The following L3MBTL3 variants were observed in gnomAD, a reference collection of about 807,000 sequenced individuals.
The protein encoded by L3MBTL3 is lethal(3)malignant brain tumor-like protein 3.
Under a neutral mutation model 102.3 loss-of-function variants are expected in L3MBTL3, and 27 were observed. That is an observed-to-expected ratio of 0.26 (90% CI 0.19 to 0.36). L3MBTL3 has a LOEUF of 0.36. Among genes scored for constraint, L3MBTL3 ranks in the 10% least tolerant of loss-of-function variants. L3MBTL3 has a pLI of 1.00. For synonymous variants in L3MBTL3, 340 were observed against 320.9 expected, an observed-to-expected ratio of 1.06 and a Z score of -0.64; for missense variants, 798 against 955.3, an observed-to-expected ratio of 0.84 and a Z score of 2.17.
At chr6:130,129,927 G>A (rs932237147) in intron 20 of L3MBTL3, among the ~76,000 whole-genome samples, 1 of 152,142 alleles carries the variant, frequency 6.6e-6, no homozygotes. Context: ...TGCAATTCAA[G>A]GAATGCAGTA....
rs369670987 is a variant in L3MBTL3 at position 130,104,486 on chromosome 6, C to T, written c.1797C>T (p.Arg599=). ...ATAAAGACCGTATTTTTCCAGACCG[C>T]TTAAGTGGTGAGATGCCTCCGGCTA... ...NLNKDRIFPD[R]LSGEMPPASP... The change falls in exon 19 of 23, where the codon CGC becomes CGT. Residue 599 remains arginine, a synonymous_variant. Coordinates refer to ENST00000361794, the MANE Select transcript of L3MBTL3 (RefSeq NM_032438.4). 1.4e-5 allele frequency: 23 copies of T among 1,600,616 alleles called. No homozygotes were observed. The highest frequency in any genetic ancestry group is 1.9e-5 in the Non-Finnish European group (22 of 1,173,854).
chr6:130,140,843 T>C lies in L3MBTL3; in HGVS notation c.*1090T>C, dbSNP rs951278008. 1 of 152,576 alleles carries C rather than the reference T, an allele frequency of 6.6e-6. No homozygotes were observed. The highest frequency in any genetic ancestry group is 1.5e-5 in the Non-Finnish European group (1 of 68,050). 9.5% of individuals were successfully genotyped at this position (152,576 alleles called of 1,614,324 possible). On this transcript the variant is annotated 3_prime_UTR_variant, in exon 23 of 23. Transcript: ENST00000361794. ...ACAAGGTGTGAAGGAGCAACTTCAG[T>C]TGACACAAAATTTGAAATGCTCACA...
At chr6:130,059,912 T>G in intron 9 of L3MBTL3, 124 bp from the exon 10 acceptor site, 1 of 579,070 alleles carries the variant, frequency 1.7e-6, no homozygotes, top group Non-Finnish European at 3.0e-6. Context: ...GATTTCTTTT[T>G]CTTTGGATTT....
chr6:130,084,970 T>C (rs886416408), intron 15 of L3MBTL3, among the ~76,000 whole-genome samples: 1 of 152,084 alleles, frequency 6.6e-6, no homozygotes, highest in African/African-American at 2.4e-5. Context: ...GTTGGGACTA[T>C]AGGCACATGC....
At chr6:130,108,597 T>C (rs903644679) in intron 19 of L3MBTL3, among the ~76,000 whole-genome samples, 2 of 152,178 alleles carry the variant, frequency 1.3e-5, no homozygotes, top group Admixed American at 6.5e-5. Context: ...TATATGTCTT[T>C]TATTCCTTAG....
At chr6:130,052,713 C>A in intron 6 of L3MBTL3, 146 bp from the exon 7 acceptor site, 1 of 917,236 alleles carries the variant, frequency 1.1e-6, no homozygotes, top group Non-Finnish European at 1.6e-6. Flanking sequence ...ATATGATATT[C>A]TCATGCCTAC....
chr6:130,049,938 AC>A, intron 5 of L3MBTL3, 108 bp downstream of exon 5: 1 of 1,364,172 alleles, frequency 7.3e-7, no homozygotes, highest in Non-Finnish European at 9.8e-7. Flanking sequence ...TGACAATAGC[AC>A]CATCCACCCA....
chr6:130,036,481 A>G (rs747737053), intron 2 of L3MBTL3, among the ~76,000 whole-genome samples: 2 of 152,230 alleles, frequency 1.3e-5, no homozygotes, highest in African/African-American at 2.4e-5. Flanking sequence ...GGCAGAGTAC[A>G]CTGTGTATCA....
intron 16 of L3MBTL3, among the ~76,000 whole-genome samples, chr6:130,086,891 T>G (rs1783722610): frequency 6.6e-6 from 1 of 152,212 alleles, no homozygotes; most frequent in Admixed American, 6.5e-5. Flanking sequence ...TAAAATTGTT[T>G]GGAATTTCTA....
At chr6:130,085,296 T>A (rs557875723) in intron 15 of L3MBTL3, among the ~76,000 whole-genome samples, 1 of 152,170 alleles carries the variant, frequency 6.6e-6, no homozygotes, top group Non-Finnish European at 1.5e-5. Context: ...TAGCTGTTGA[T>A]TCCCCCAACC....
At chr6:130,062,666 A>G (rs1042199298) in intron 10 of L3MBTL3, among the ~76,000 whole-genome samples, 5 of 149,676 alleles carry the variant, frequency 3.3e-5, no homozygotes, top group African/African-American at 1.2e-4. Context: ...AAGTGCTTGT[A>G]TAACAGGCAT....
At chr6:130,051,448 G>C in intron 6 of L3MBTL3, 40 bp downstream of exon 6, 1 of 1,556,852 alleles carries the variant, frequency 6.4e-7, no homozygotes, top group Non-Finnish European at 8.8e-7. Context: ...TTGAGTTTTA[G>C]ATTCCAAAGT....
chr6:130,135,904 A>G (rs116375618), intron 22 of L3MBTL3, among the ~76,000 whole-genome samples: 127 of 152,342 alleles, frequency 8.3e-4, no homozygotes, highest in African/African-American at 2.9e-3. Context: ...TTTGAGTCCT[A>G]CAAGTAAACC....
At position 130,104,416 on chromosome 6, in the gene L3MBTL3, A is replaced by G. The variant is rs745829356; in HGVS notation, c.1737-10A>G. The G allele has an allele frequency of 6.7e-7, 1 of 1,499,600 alleles. No individual in the cohort carries two copies. The highest frequency in any genetic ancestry group is 2.5e-5 in the Admixed American group (1 of 40,728). 92.9% of individuals were successfully genotyped at this position (1,499,600 alleles called of 1,614,324 possible). ...TGTTCTTTTTTTTTTCTTTTCTTTT[A>G]ATCTGTTAGTGCTGCCAACTGTCCC... On this transcript the variant is annotated splice_polypyrimidine_tract_variant and intron_variant, in intron 18 of 22. Transcript: ENST00000361794.
chr6:130,139,866 A>G lies in L3MBTL3; in HGVS notation c.*113A>G, dbSNP rs1304330200. ...GAAGTCTCCAAAACTCAAAAGAGCAACACTATCGGATTATTTATATTACTC... is the reference window on the plus strand; with the variant it reads ...GAAGTCTCCAAAACTCAAAAGAGCAGCACTATCGGATTATTTATATTACTC... On this transcript the variant is annotated 3_prime_UTR_variant, in exon 23 of 23. Transcript: ENST00000361794. 1.3e-5 allele frequency: 12 copies of G among 894,256 alleles called. No homozygotes were observed. In the East Asian group the frequency reaches 2.9e-4, roughly 21 times the overall value. The allele number at this position is 894,256 out of a possible 1,614,324, so 55.4% of individuals were successfully genotyped here.
chr6:130,081,925 T>C (rs1193916577), intron 14 of L3MBTL3, among the ~76,000 whole-genome samples: 1 of 152,186 alleles, frequency 6.6e-6, no homozygotes, highest in Non-Finnish European at 1.5e-5. Flanking sequence ...TCCTTGACTT[T>C]TATGACCTTA....
At position 130,140,083 on chromosome 6, in the gene L3MBTL3, G is replaced by T; in HGVS notation, c.*330G>T. The T allele has an allele frequency of 5.3e-6, 1 of 188,210 alleles. No homozygotes were observed. The highest frequency in any genetic ancestry group is 1.6e-4 in the East Asian group (1 of 6,270). 11.7% of individuals were successfully genotyped at this position (188,210 alleles called of 1,614,324 possible). ...ATGGGGGGCAGAGTAAGAACTTTTG[G>T]CATTTTGTAAACATTGTTGAATTCT... On this transcript the variant is annotated 3_prime_UTR_variant, in exon 23 of 23. Transcript: ENST00000361794.
intron 5 of L3MBTL3, 73 bp downstream of exon 5, chr6:130,049,903 T>A: frequency 6.5e-7 from 1 of 1,532,628 alleles, no homozygotes; most frequent in Non-Finnish European, 8.8e-7. Context: ...AAACCTGCTC[T>A]TTCTTCCCTA....
At chr6:130,115,860 T>C (rs1785637346) in intron 19 of L3MBTL3, among the ~76,000 whole-genome samples, 1 of 152,272 alleles carries the variant, frequency 6.6e-6, no homozygotes, top group African/African-American at 2.4e-5. Flanking sequence ...AAATGGCTTC[T>C]TGAAAATTCT....
Sources: gnomAD v4.1 joint callset for allele counts (sites outside exome capture counted in the v4.1 genomes callset) on GRCh38, gnomAD v4.1.1 for gene constraint, MANE v1.5 for transcripts, NCBI Gene and HGNC (gene_info 2026-07-23, HGNC 2026-07-21) for gene names.